The following FHAD1 variants were observed in gnomAD, a reference collection of about 807,000 sequenced individuals.
FHAD1 encodes the protein forkhead associated phosphopeptide binding domain 1, also known as forkhead-associated domain-containing protein 1.
Under a neutral mutation model 191.3 loss-of-function variants are expected in FHAD1, and 146 were observed. The ratio of observed to expected loss-of-function variants is 0.76; its 90% CI spans 0.67 to 0.88. The LOEUF is 0.88. Among genes scored for constraint, FHAD1 ranks in the 40% least tolerant of loss-of-function variants. The probability of loss-of-function intolerance (pLI) is 0.00; values close to 1 mark genes in which losing one functional copy is unlikely to be tolerated. For missense variants in FHAD1, 1,635 were observed against 1,785.8 expected (o/e 0.92, Z 1.52); for synonymous variants, 616 against 672.3 (o/e 0.92, Z 1.29).
intron 33 of FHAD1, among the ~76,000 whole-genome samples, chr1:15,394,973 C>G (rs918360935): frequency 3.3e-5 from 5 of 152,066 alleles, no homozygotes; most frequent in Non-Finnish European, 7.4e-5. Context: ...AGAAAAGGGG[C>G]AGGGCGGGGG....
intron 6 of FHAD1, among the ~76,000 whole-genome samples, chr1:15,305,131 C>T (rs566902375): frequency 1.1e-4 from 16 of 152,286 alleles, no homozygotes; most frequent in African/African-American, 3.9e-4. Context: ...TGGAGACAGG[C>T]AAGAGAAGCA....
In FHAD1 at chr1:15,381,427, A is replaced by G. The variant is rs1412702247; in HGVS notation, c.3998A>G (p.Tyr1333Cys). ...LGRKEELLRG[Y>C]EKDVEQLRRS... ...AGGAAAGAGGAGCTGTTGAGAGGAT[A>G]TGAAAAGGACGTTGAACAGCTCAGG... The change falls in exon 30 of 34, where the codon TAT (tyrosine) becomes TGT (cysteine). Residue 1333 changes from tyrosine to cysteine, a missense_variant. Coordinates refer to ENST00000688493, the MANE Select transcript of FHAD1 (RefSeq NM_001391957.1). This position sits in a 1 kb window ranked among gnomAD's most constrained non-coding sequence, Gnocchi z 4.6. 1.3e-6 allele frequency: 2 copies of G among 1,551,470 alleles called. No individual in the cohort carries two copies. The highest frequency in any genetic ancestry group is 2.4e-5 in the East Asian group (1 of 40,912).
Position 15,301,331 on chromosome 1 carries a change from T to G in FHAD1, c.805T>G (p.Ser269Ala). 1 of 1,551,692 alleles carries G rather than the reference T, an allele frequency of 6.4e-7. No individual in the cohort carries two copies. Among genetic ancestry groups the G allele is most frequent in the Non-Finnish European group, 8.7e-7 (1 of 1,147,002 alleles). The change falls in exon 6 of 34, where the codon TCA (serine) becomes GCA (alanine). Residue 269 changes from serine (S) to alanine (A), a missense_variant. By Grantham distance (99) the Ser-to-Ala change is moderately conservative. Transcript: ENST00000688493. ...NEVAELSQKV[S>A]ETTTSRQNEK... The stretch of plus-strand genomic sequence containing the variant: ...AGTGGCTGAGCTGAGTCAGAAGGTG[T>G]CAGAGACCACCACCTCCAGGCAGAA...
chr1:15,262,415 T>C (rs1651514998), intron 2 of FHAD1, among the ~76,000 whole-genome samples: 1 of 152,160 alleles, frequency 6.6e-6, no homozygotes, highest in Non-Finnish European at 1.5e-5. Flanking sequence ...AGGGAATAGA[T>C]CACTTGCCCA....
intron 20 of FHAD1, among the ~76,000 whole-genome samples, chr1:15,357,282 C>T (rs1439913479): frequency 1.3e-5 from 2 of 152,182 alleles, no homozygotes; most frequent in Admixed American, 6.5e-5. Context: ...GAAGCCCACA[C>T]TTCACATTAT....
chr1:15,315,499 T>G (rs1674102116), intron 8 of FHAD1, among the ~76,000 whole-genome samples: 1 of 149,306 alleles, frequency 6.7e-6, no homozygotes, highest in Non-Finnish European at 1.5e-5. Context: ...TTTTTTTTTT[T>G]TTTTGAGATG....
At chr1:15,292,765 C>T (rs11587064) in intron 4 of FHAD1, among the ~76,000 whole-genome samples, 44 of 152,026 alleles carry the variant, frequency 2.9e-4, no homozygotes, top group Admixed American at 1.4e-3. Context: ...AGAAGCCACC[C>T]GGCCAACACC....
chr1:15,294,844 C>T (rs894955723), intron 4 of FHAD1, among the ~76,000 whole-genome samples: 1 of 152,110 alleles, frequency 6.6e-6, no homozygotes, highest in Non-Finnish European at 1.5e-5. Flanking sequence ...CTGGTCAAGG[C>T]CCCCGTCTTG....
rs1252287566 is a variant in FHAD1, at chr1:15,247,294, G to C, written c.-116G>C. On this transcript the variant is annotated 5_prime_UTR_variant, in exon 1 of 34. Transcript: ENST00000688493. ...GCCGGGTGCGAGCTGGAGACTCCGCGGGAGCGCGGCCGGGAGGCTTCGCCC... is the reference window on the plus strand; with the variant it reads ...GCCGGGTGCGAGCTGGAGACTCCGCCGGAGCGCGGCCGGGAGGCTTCGCCC... 5.0e-6 allele frequency: 1 copy of C among 200,622 alleles called. No individual in the cohort carries two copies. The highest frequency in any genetic ancestry group is 2.4e-5 in the African/African-American group (1 of 41,778). 12.4% of individuals were successfully genotyped at this position (200,622 alleles called of 1,614,324 possible). A position where few individuals can be genotyped will look rare whatever the true frequency, so the allele number is the denominator to read the frequency against.
At chr1:15,255,707 T>C (rs576505757) in intron 2 of FHAD1, among the ~76,000 whole-genome samples, 3 of 151,996 alleles carry the variant, frequency 2.0e-5, no homozygotes, top group Non-Finnish European at 4.4e-5. Flanking sequence ...GAAAGGAATA[T>C]GGAGGATGAG....
rs1453379516 is a variant in FHAD1 at position 15,341,892 on chromosome 1, A to G, written c.2130+4A>G. On this transcript the variant is annotated splice_donor_region_variant and intron_variant, in intron 16 of 33. Coordinates refer to ENST00000688493, the MANE Select transcript of FHAD1 (RefSeq NM_001391957.1). Reference sequence around the variant, plus strand: ...GCAACTGACGGAAGAGAAGGCGGTAAGGTGGTCCCTGCCATTTGCTTTACT... The same window carrying G: ...GCAACTGACGGAAGAGAAGGCGGTAGGGTGGTCCCTGCCATTTGCTTTACT... 1.3e-6 allele frequency: 2 copies of G among 1,550,502 alleles called. No individual in the cohort carries two copies. The highest frequency in any genetic ancestry group is 1.4e-5 in the African/African-American group (1 of 72,988).
chr1:15,263,348 C>G (rs1286059875), intron 2 of FHAD1, among the ~76,000 whole-genome samples: 1 of 151,628 alleles, frequency 6.6e-6, no homozygotes, highest in East Asian at 1.9e-4. Flanking sequence ...TGCCTGTGTT[C>G]TTGGTGTCAT....
chr1:15,341,590 A>C, intron 15 of FHAD1, 146 bp from the exon 16 acceptor site: 1 of 535,360 alleles, frequency 1.9e-6, no homozygotes, highest in Non-Finnish European at 3.2e-6. Flanking sequence ...TCTTAACCAC[A>C]GCATGCTGTA....
At chr1:15,291,184 C>T (rs1664637463) in intron 4 of FHAD1, among the ~76,000 whole-genome samples, 1 of 148,930 alleles carries the variant, frequency 6.7e-6, no homozygotes, top group African/African-American at 2.5e-5. Flanking sequence ...TGGGTTCAAG[C>T]GGTTCTCCTG....
At chr1:15,346,502 G>A (rs1045341086) in intron 18 of FHAD1, among the ~76,000 whole-genome samples, 5 of 152,148 alleles carry the variant, frequency 3.3e-5, no homozygotes, top group African/African-American at 9.7e-5. Context: ...CATTGAGTTT[G>A]TCACCCATCA....
At chr1:15,302,815 C>T (rs1298170880) in intron 6 of FHAD1, among the ~76,000 whole-genome samples, 1 of 152,200 alleles carries the variant, frequency 6.6e-6, no homozygotes, top group Non-Finnish European at 1.5e-5. Flanking sequence ...GTGCATCATG[C>T]TGGTTAAACT....
At chr1:15,390,273 A>C (rs1465189365) in intron 32 of FHAD1, among the ~76,000 whole-genome samples, 2 of 140,710 alleles carry the variant, frequency 1.4e-5, no homozygotes, top group Admixed American at 1.5e-4. Flanking sequence ...TGAACCTGGG[A>C]GGCAAAGGTT....
intron 27 of FHAD1, among the ~76,000 whole-genome samples, 173 bp from the exon 28 acceptor site, chr1:15,375,430 G>A (rs1367687160): frequency 6.6e-6 from 1 of 152,144 alleles, no homozygotes; most frequent in Non-Finnish European, 1.5e-5. Flanking sequence ...TATGAGCCGG[G>A]TGACCTTGGC....
At chr1:15,374,285 T>C (rs1698946731) in intron 26 of FHAD1, among the ~76,000 whole-genome samples, 1 of 152,196 alleles carries the variant, frequency 6.6e-6, no homozygotes, top group Non-Finnish European at 1.5e-5. Context: ...CTTTTATTTA[T>C]AGTAATGCTA....
Sources: gnomAD v4.1 joint callset for allele counts (sites outside exome capture counted in the v4.1 genomes callset) on GRCh38, gnomAD v4.1.1 for gene constraint, Gnocchi (gnomAD v3.1) non-coding constraint, MANE v1.5 for transcripts, NCBI Gene and HGNC (gene_info 2026-07-23, HGNC 2026-07-21) for gene names.